Variants in DAB1 observed in about 807,000 individuals in gnomAD.
DAB1 encodes disabled homolog 1.
Under a neutral mutation model 64.6 loss-of-function variants are expected in DAB1, and 15 were observed. That is an observed-to-expected ratio of 0.23 (90% confidence interval 0.16 to 0.36). DAB1 has a LOEUF of 0.36. Among genes scored for constraint, DAB1 ranks in the 10% least tolerant of loss-of-function variants. DAB1 has a pLI of 1.00. For synonymous variants in DAB1, 235 were observed against 251.9 expected (o/e 0.93, Z 0.64); for missense variants, 596 against 706.7 (o/e 0.84, Z 1.78).
In DAB1 at chr1:57,136,661, G is replaced by A. The variant is rs564665; in HGVS notation, c.208-20C>T. 0.14 allele frequency: 212,669 copies of A among 1,481,992 alleles called. 16,186 individuals are homozygous for A. Among genetic ancestry groups the A allele is most frequent in the Middle Eastern group, 0.2 (1,076 of 5,510 alleles). The allele number at this position is 1,481,992 out of a possible 1,614,324, so 91.8% of individuals were successfully genotyped here. The stretch of plus-strand genomic sequence containing the variant: ...AACGCCCTGTTGAAAGGAAGAACAT[G>A]GTTTTTACTTAAGTGTTTTCATTTG... On this transcript the variant is annotated intron_variant, in intron 3 of 14. Coordinates refer to ENST00000371236, the MANE Select transcript of DAB1 (RefSeq NM_001365792.1).
At chr1:57,879,313 C>T (rs1569905708) in intron 1 of DAB1, among the ~76,000 whole-genome samples, 1 of 152,256 alleles carries the variant, frequency 6.6e-6, no homozygotes, top group Admixed American at 6.5e-5. Flanking sequence ...GTATGATCTT[C>T]CTCTCTCTTT....
chr1:57,914,957 C>T (rs948955071), intron 5 of DAB1, among the ~76,000 whole-genome samples: 1 of 151,990 alleles, frequency 6.6e-6, no homozygotes, highest in Non-Finnish European at 1.5e-5. Flanking sequence ...ATGAAAATTG[C>T]AGAAATTTGC....
chr1:57,094,040 T>C (rs1284464641), intron 4 of DAB1, among the ~76,000 whole-genome samples: 2 of 141,086 alleles, frequency 1.4e-5, no homozygotes. Flanking sequence ...ACCCAGGAGG[T>C]GGAAGTTGCA....
chr1:57,264,285 C>G (rs1270145024), intron 2 of DAB1, among the ~76,000 whole-genome samples: 1 of 152,078 alleles, frequency 6.6e-6, no homozygotes, highest in Non-Finnish European at 1.5e-5. Flanking sequence ...ATGAACAAAA[C>G]ACACAAAAAA....
At chr1:58,460,678 G>C (rs770198251) in intron 3 of DAB1, among the ~76,000 whole-genome samples, 1 of 152,130 alleles carries the variant, frequency 6.6e-6, no homozygotes, top group Admixed American at 6.5e-5. Flanking sequence ...GTAGCTGTCC[G>C]TAGTCCTGAA....
chr1:57,800,198 C>T (rs1259768705), intron 6 of DAB1, among the ~76,000 whole-genome samples: 1 of 152,006 alleles, frequency 6.6e-6, no homozygotes, highest in Non-Finnish European at 1.5e-5. Flanking sequence ...GGATCTGTGA[C>T]CTTGATCACT....
chr1:57,830,897 G>A (rs944188791), intron 1 of DAB1, among the ~76,000 whole-genome samples: 1 of 152,066 alleles, frequency 6.6e-6, no homozygotes, highest in Admixed American at 6.6e-5. Context: ...TCAGACAAAT[G>A]TTGCTTATTT....
At chr1:57,220,671 T>C (rs938315556) in intron 2 of DAB1, among the ~76,000 whole-genome samples, 1 of 152,170 alleles carries the variant, frequency 6.6e-6, no homozygotes, top group Admixed American at 6.5e-5. Context: ...TCACTGATCG[T>C]CAGAGAAATG....
At chr1:57,657,470 C>A (rs1389744547) in intron 6 of DAB1, among the ~76,000 whole-genome samples, 1 of 152,170 alleles carries the variant, frequency 6.6e-6, no homozygotes, top group Non-Finnish European at 1.5e-5. Context: ...GTCACTGACC[C>A]TCCTCCTTTC....
At chr1:58,474,015 C>T (rs779286578) in intron 3 of DAB1, 20 of 1,065,324 alleles carry the variant, frequency 1.9e-5, no homozygotes, top group South Asian at 1.8e-4. Context: ...CTTTGATTTC[C>T]GAGTCAAACT....
chr1:57,935,264 T>C (rs149683064), intron 5 of DAB1, among the ~76,000 whole-genome samples: 1 of 152,350 alleles, frequency 6.6e-6, no homozygotes, highest in African/African-American at 2.4e-5. Context: ...ATGGCCTCTA[T>C]TAAGTTGTTT....
chr1:57,001,617 C>T (rs894393308), intron 14 of DAB1, among the ~76,000 whole-genome samples: 15 of 152,158 alleles, frequency 9.9e-5, no homozygotes, highest in African/African-American at 3.1e-4. Flanking sequence ...AAAAGGCAAA[C>T]TCCTCAAGAC....
intron 1 of DAB1, among the ~76,000 whole-genome samples, chr1:57,399,095 C>A (rs898404693): frequency 4.0e-5 from 6 of 151,714 alleles, no homozygotes; most frequent in Non-Finnish European, 8.8e-5. Context: ...AGTTGAGGAA[C>A]TTTTTTTTTC....
chr1:57,873,337 G>A (rs1569893390), intron 1 of DAB1, among the ~76,000 whole-genome samples: 3 of 152,182 alleles, frequency 2.0e-5, no homozygotes, highest in Admixed American at 2.0e-4. Flanking sequence ...GGGTCTGCTT[G>A]CTCCTTATTC....
intron 9 of DAB1, among the ~76,000 whole-genome samples, chr1:57,036,586 C>A (rs1570561980): frequency 6.6e-6 from 1 of 152,316 alleles, no homozygotes; most frequent in East Asian, 1.9e-4. Context: ...CCCACAATTA[C>A]CACTTGAGTT....
rs189845593 is a variant in DAB1 at position 57,305,548 on chromosome 1, C to T, written c.-136-14382G>A. Reference sequence around the variant, plus strand: ...GGGGTGAGCAGAAGACAACCAAAGGCCCAGGTGAAGCCCTCCCGCTCCAGG... The same window carrying T: ...GGGGTGAGCAGAAGACAACCAAAGGTCCAGGTGAAGCCCTCCCGCTCCAGG... On this transcript the variant is annotated intron_variant, in intron 1 of 14. Transcript: ENST00000371236. Among the ~76,000 whole-genome samples the T allele has an allele frequency of 7.2e-5, 11 of 152,278 alleles. No homozygotes were observed. The East Asian group carries it at 2.1e-3, about 29-fold the overall frequency.
intron 1 of DAB1, 100 bp from the exon 2 acceptor site, chr1:57,291,266 T>G (rs1482954173): frequency 8.3e-6 from 3 of 360,374 alleles, no homozygotes; most frequent in African/African-American, 6.3e-5. Context: ...AACAAAATCT[T>G]GGTCTTTATG....
At chr1:57,425,749 G>C (rs1379819311), upstream of DAB1, among the ~76,000 whole-genome samples, 1 of 152,128 alleles carries the variant, frequency 6.6e-6, no homozygotes, top group African/African-American at 2.4e-5. Flanking sequence ...GATACTACTC[G>C]GTTTCTACCT....
intron 4 of DAB1, among the ~76,000 whole-genome samples, chr1:58,341,237 C>A (rs1643929441): frequency 6.6e-6 from 1 of 152,134 alleles, no homozygotes. Context: ...TCATCTCTCT[C>A]ATAATAGTCT....
Sources: allele counts gnomAD v4.1 joint callset (sites outside exome capture counted in the v4.1 genomes callset), GRCh38; gene constraint gnomAD v4.1.1; transcripts MANE v1.5; gene names NCBI Gene and HGNC (gene_info 2026-07-23, HGNC 2026-07-21).